Variants in PRKD3 observed in about 807,000 individuals in gnomAD.
PRKD3 encodes protein kinase D3, also known as serine/threonine-protein kinase D3.
In PRKD3, 47 loss-of-function variants were observed where a neutral mutation model predicts 99.2. The ratio of observed to expected loss-of-function variants is 0.47; its 90% CI spans 0.38 to 0.60. The LOEUF (loss-of-function observed/expected upper bound fraction) is 0.60, where lower values mean the gene tolerates loss of function less well. PRKD3 is among the 20% of genes least tolerant of loss of function. The probability of loss-of-function intolerance (pLI) is 0.00; values close to 1 mark genes in which losing one functional copy is unlikely to be tolerated. For missense variants in PRKD3, 1,019 were observed against 1,088.4 expected (o/e 0.94, Z 0.90); for synonymous variants, 392 against 355.4 (o/e 1.10, Z -1.16).
rs545419412 is a variant in PRKD3, at chr2:37,252,598, T to C, written c.*579A>G. 6.6e-6 allele frequency: 1 copy of C among 152,194 alleles called. No individual in the cohort carries two copies. Among genetic ancestry groups the C allele is most frequent in the South Asian group, 2.1e-4 (1 of 4,820 alleles). The allele number at this position is 152,194 out of a possible 1,614,324, so 9.4% of individuals were successfully genotyped here. A position where few individuals can be genotyped will look rare whatever the true frequency, so the allele number is the denominator to read the frequency against. On this transcript the variant is annotated 3_prime_UTR_variant, in exon 19 of 19. Transcript: ENST00000234179. ...TCTTGATTGACCTAAAAAAGAAAGG[T>C]AAAACAGCCCAGTGCGCTTTTTCTA...
At chr2:37,276,269 A>T (rs1669566827) in intron 9 of PRKD3, among the ~76,000 whole-genome samples, 1 of 152,100 alleles carries the variant, frequency 6.6e-6, no homozygotes. Flanking sequence ...ACAAGATTTG[A>T]CCCAATTTAT....
intron 14 of PRKD3, among the ~76,000 whole-genome samples, chr2:37,261,042 C>T (rs963201837): frequency 2.0e-5 from 3 of 152,250 alleles, no homozygotes; most frequent in African/African-American, 7.2e-5. Context: ...CTTGCTCAAA[C>T]ACCTTCAGTG....
intron 4 of PRKD3, 31 bp from the exon 5 acceptor site, chr2:37,289,544 A>T (rs762910796): frequency 1.5e-5 from 23 of 1,528,572 alleles, no homozygotes; most frequent in Non-Finnish European, 1.9e-5. Context: ...AAAATATAAG[A>T]TTTAAAAAAA....
At chr2:37,324,326 G>A (rs1470075339) in intron 1 of PRKD3, 5 of 613,708 alleles carry the variant, frequency 8.1e-6, no homozygotes, top group African/African-American at 2.0e-5. Context: ...GATCGCCTCC[G>A]ATGGGCCGGG....
In PRKD3 at chr2:37,272,416, A is replaced by T. The variant is rs987414921; in HGVS notation, c.1668T>A (p.Ser556Arg). The change falls in exon 12 of 19, where the codon AGT becomes AGA. Residue 556 changes from serine (S) to arginine (R), a missense_variant. Physicochemically the swap from Ser to Arg is moderately radical, Grantham distance 110. This residue lies in a region of PRKD3 where 710 missense variants were observed against 692.7 expected (regional missense o/e 1.02). Coordinates refer to ENST00000234179, the MANE Select transcript of PRKD3 (RefSeq NM_005813.6). The part of the protein sequence containing the change: ...QGKDHKDLST[S>R]ISVSNCQIQE... ...GAATCTGACAATTAGATACAGAGAT[A>T]CTTGTAGACAAATCTTCTGTAAAAT... 2.5e-6 allele frequency: 4 copies of T among 1,605,724 alleles called. No homozygotes were observed. Among genetic ancestry groups the T allele is most frequent in the Non-Finnish European group, 3.4e-6 (4 of 1,177,678 alleles).
At chr2:37,288,257 A>C (rs1670216402) in intron 5 of PRKD3, among the ~76,000 whole-genome samples, 1 of 152,166 alleles carries the variant, frequency 6.6e-6, no homozygotes, top group Non-Finnish European at 1.5e-5. Context: ...AGATGCACTA[A>C]CTTTTTCCTA....
chr2:37,291,975 C>A (rs1430575581), intron 3 of PRKD3, among the ~76,000 whole-genome samples: 1 of 151,774 alleles, frequency 6.6e-6, no homozygotes, highest in African/African-American at 2.4e-5. Context: ...GATGAGATGG[C>A]AAATAGTGGG....
chr2:37,265,059 A>G (rs192746170), intron 14 of PRKD3, among the ~76,000 whole-genome samples: 7 of 152,334 alleles, frequency 4.6e-5, no homozygotes, highest in Admixed American at 1.3e-4. Context: ...GGCATGGGAA[A>G]GAAAAGCTAT....
At chr2:37,276,105 C>T (rs941171517) in intron 9 of PRKD3, among the ~76,000 whole-genome samples, 4 of 152,102 alleles carry the variant, frequency 2.6e-5, no homozygotes, top group African/African-American at 9.7e-5. Flanking sequence ...GAATTTCATA[C>T]ATGCACACAT....
In PRKD3 at chr2:37,310,680, A is replaced by G. The variant is rs60403091; in HGVS notation, c.288+5557T>C. ...TGAATGTTAAAATACAATGTGTTGG[A>G]TAGGATGCCAACATCCATACAGAAA... On this transcript the variant is annotated intron_variant, in intron 2 of 18. Transcript: ENST00000234179. 9.3e-3 allele frequency among the ~76,000 whole-genome samples: 1,421 copies of G among 152,296 alleles called. 10 individuals are homozygous for G. The highest frequency in any genetic ancestry group is 0.032 in the South Asian group (156 of 4,832).
chr2:37,320,689 C>A (rs984097836), intron 1 of PRKD3, among the ~76,000 whole-genome samples: 3 of 152,056 alleles, frequency 2.0e-5, no homozygotes, highest in Admixed American at 1.3e-4. Context: ...ATCTCGGCCT[C>A]CCAAAGTGCT....
At chr2:37,315,917 G>GT (rs1671635755) in intron 2 of PRKD3, among the ~76,000 whole-genome samples, 3 of 152,296 alleles carry the variant, frequency 2.0e-5, no homozygotes, top group African/African-American at 7.2e-5. Context: ...TAGAGATGGC[G>GT]TTTCAACATG....
intron 14 of PRKD3, among the ~76,000 whole-genome samples, chr2:37,265,252 G>A (rs907553291): frequency 3.3e-5 from 5 of 152,134 alleles, no homozygotes; most frequent in Non-Finnish European, 5.9e-5. Flanking sequence ...GTGTGAGTGC[G>A]TTTAACAGTG....
At chr2:37,279,216 T>A (rs922963641) in intron 8 of PRKD3, 3 of 152,230 alleles carry the variant, frequency 2.0e-5, no homozygotes, top group African/African-American at 7.2e-5. Context: ...TGAATTTCTA[T>A]GAACATAGTG....
chr2:37,269,440 T>G (rs1305014435), intron 13 of PRKD3, 175 bp downstream of exon 13: 4 of 602,790 alleles, frequency 6.6e-6, no homozygotes, highest in Non-Finnish European at 1.2e-5. Flanking sequence ...GCAATGACAT[T>G]AAGGGAAGAA....
At chr2:37,323,236 T>TA (rs1671959726) in intron 1 of PRKD3, among the ~76,000 whole-genome samples, 1 of 148,784 alleles carries the variant, frequency 6.7e-6, no homozygotes, top group South Asian at 2.1e-4. Flanking sequence ...CTTAAAAAAT[T>TA]AGTTTTAAGA....
At position 37,311,700 on chromosome 2, in the gene PRKD3, C is replaced by T. The variant is rs149617559; in HGVS notation, c.288+4537G>A. On this transcript the variant is annotated intron_variant, in intron 2 of 18. Coordinates refer to ENST00000234179, the MANE Select transcript of PRKD3 (RefSeq NM_005813.6). The stretch of plus-strand genomic sequence containing the variant: ...TATGTGGAAAATAAGATGGCACTCA[C>T]GGGACAAAATATACAATTTCAATAT... Among the ~76,000 whole-genome samples, 809 of 152,214 alleles carry T rather than the reference C, an allele frequency of 5.3e-3. 8 individuals carry two copies. The highest frequency in any genetic ancestry group is 0.018 in the African/African-American group (765 of 41,534).
intron 2 of PRKD3, among the ~76,000 whole-genome samples, chr2:37,308,135 G>C (rs940208990): frequency 3.9e-5 from 6 of 152,100 alleles, no homozygotes; most frequent in African/African-American, 1.2e-4. Context: ...CATATCATTT[G>C]ACCAAGTGTT....
At chr2:37,295,614 ACTT>A (rs1670642522) in intron 2 of PRKD3, among the ~76,000 whole-genome samples, 1 of 152,224 alleles carries the variant, frequency 6.6e-6, no homozygotes, top group South Asian at 2.1e-4. Flanking sequence ...AAGTTGCTTA[ACTT>A]CTCTAAATCA....
Sources: allele counts gnomAD v4.1 joint callset (sites outside exome capture counted in the v4.1 genomes callset), GRCh38; gene constraint gnomAD v4.1.1; regional missense constraint gnomAD v4.1.1; transcripts MANE v1.5; gene names NCBI Gene and HGNC (gene_info 2026-07-23, HGNC 2026-07-21).